TENM4: variants seen among roughly 807,000 people sequenced by gnomAD.
The protein encoded by TENM4 is teneurin transmembrane protein 4, also known as teneurin-4.
A neutral mutation model predicts 243.3 loss-of-function variants in TENM4; 82 were observed. The ratio of observed to expected loss-of-function variants is 0.34; its 90% confidence interval spans 0.28 to 0.40. The LOEUF (loss-of-function observed/expected upper bound fraction) is 0.40, where lower values mean the gene tolerates loss of function less well. Among genes scored for constraint, TENM4 ranks in the 10% least tolerant of loss-of-function variants. The pLI is 1.00. For missense variants in TENM4, 3,138 were observed against 3,673.3 expected (o/e 0.85, Z 3.77); for synonymous variants, 1,412 against 1,456.3 (o/e 0.97, Z 0.69).
At chr11:79,372,459 A>C (rs899031533) in intron 1 of TENM4, among the ~76,000 whole-genome samples, 3 of 152,228 alleles carry the variant, frequency 2.0e-5, no homozygotes, top group African/African-American at 7.2e-5. Flanking sequence ...TCTACAGAAA[A>C]TCAGCAAGGA....
At chr11:79,247,104 G>GACA (rs1243733731) in intron 2 of TENM4, among the ~76,000 whole-genome samples, 1 of 151,392 alleles carries the variant, frequency 6.6e-6, no homozygotes, top group Non-Finnish European at 1.5e-5. Context: ...GAACAGGACA[G>GACA]ATGGAATTCA....
intron 29 of TENM4, among the ~76,000 whole-genome samples, chr11:78,684,437 T>C (rs111854923): frequency 0.025 from 3,878 of 152,354 alleles, 154 homozygotes; most frequent in African/African-American, 0.089. Context: ...TAGCTGTCAC[T>C]GGTTTTATGT....
At chr11:78,812,444 G>A (rs1857520472) in intron 13 of TENM4, 128 bp from the exon 14 acceptor site, 3 of 1,063,458 alleles carry the variant, frequency 2.8e-6, no homozygotes, top group Non-Finnish European at 4.1e-6. Flanking sequence ...AAACACCCAT[G>A]TGTGCCCATC....
At chr11:79,139,052 ATATATATTATATTT>A (rs1374088248) in intron 4 of TENM4, among the ~76,000 whole-genome samples, 1,678 of 26,864 alleles carry the variant, frequency 0.062, 550 homozygotes, top group Middle Eastern at 0.19. Context: ...AATATATAAA[ATATATATTATATTT>A]CTATAAATAT....
intron 5 of TENM4, among the ~76,000 whole-genome samples, chr11:79,066,730 G>A (rs2512088): frequency 1.3e-4 from 20 of 150,606 alleles, no homozygotes; most frequent in Admixed American, 6.6e-4. Flanking sequence ...GAGCACACAC[G>A]CGCACGCACA....
In TENM4 at chr11:79,312,956, C is replaced by T. The variant is rs1167945768; in HGVS notation, c.-320-15413G>A. On this transcript the variant is annotated intron_variant, in intron 1 of 33. Transcript: ENST00000278550. The stretch of plus-strand genomic sequence containing the variant: ...ACGGGAAGGCTGTGTGCTTTGTTTC[C>T]ATCAGGATTCGCTGCCCACCTAATT... Among the ~76,000 whole-genome samples, 5 of 152,316 alleles carry T rather than the reference C, an allele frequency of 3.3e-5. No individual in the cohort carries two copies. In the East Asian group the frequency reaches 9.6e-4, roughly 29 times the overall value.
At chr11:79,282,964 T>C (rs1048876547) in intron 2 of TENM4, among the ~76,000 whole-genome samples, 22 of 152,174 alleles carry the variant, frequency 1.4e-4, no homozygotes, top group Admixed American at 1.1e-3. Flanking sequence ...CAGTGTTGTT[T>C]CTGGCATTTG....
chr11:79,211,419 C>T (rs1235026276), intron 3 of TENM4, among the ~76,000 whole-genome samples: 1 of 152,196 alleles, frequency 6.6e-6, no homozygotes, highest in Non-Finnish European at 1.5e-5. Context: ...AAAGTGTGCG[C>T]CAGGGATCCC....
intron 12 of TENM4, among the ~76,000 whole-genome samples, chr11:78,841,230 A>G (rs1394109570): frequency 1.3e-5 from 2 of 152,174 alleles, no homozygotes; most frequent in African/African-American, 2.4e-5. Flanking sequence ...TTTCTTGCCC[A>G]AAGTCCCACT....
intron 2 of TENM4, among the ~76,000 whole-genome samples, chr11:79,244,777 G>C (rs1855484194): frequency 6.6e-6 from 1 of 152,198 alleles, no homozygotes; most frequent in Non-Finnish European, 1.5e-5. Flanking sequence ...ACTAGCTGTA[G>C]AGGTGGGAGA....
chr11:79,037,852 A>G (rs1255185457), intron 6 of TENM4, among the ~76,000 whole-genome samples: 5 of 152,358 alleles, frequency 3.3e-5, no homozygotes, highest in Middle Eastern at 3.4e-3. Context: ...TTTGACCTGC[A>G]TGAGAATCAT....
rs575373428 is a variant in TENM4, at chr11:79,099,365, G to A, written c.-65-29356C>T. On this transcript the variant is annotated intron_variant, in intron 4 of 33. Coordinates refer to ENST00000278550, the MANE Select transcript of TENM4 (RefSeq NM_001098816.3). The stretch of plus-strand genomic sequence containing the variant: ...CATTGTTCATGTCCTTTTCCCTGTC[G>A]TTCTCATGGTGTGAATTTAAGGTCC... Among the ~76,000 whole-genome samples the A allele has an allele frequency of 3.9e-5, 6 of 152,102 alleles. No homozygotes were observed. The East Asian group carries it at 9.7e-4, about 25-fold the overall frequency.
intron 12 of TENM4, among the ~76,000 whole-genome samples, chr11:78,843,185 A>T (rs1447566731): frequency 6.6e-6 from 1 of 152,074 alleles, no homozygotes; most frequent in Non-Finnish European, 1.5e-5. Flanking sequence ...GGCTGAGGCA[A>T]GAGAATTGCT....
intron 12 of TENM4, among the ~76,000 whole-genome samples, chr11:78,840,042 C>T (rs574577535): frequency 3.0e-4 from 45 of 152,156 alleles, no homozygotes; most frequent in Non-Finnish European, 5.9e-4. Context: ...AATAAGTTAA[C>T]GTAAATAAAT....
chr11:79,066,623 CACACACATGA>C, intron 5 of TENM4, among the ~76,000 whole-genome samples: 1 of 151,840 alleles, frequency 6.6e-6, no homozygotes, highest in South Asian at 2.1e-4. Context: ...CACACGTGCG[CACACACATGA>C]ACACACAAGT....
intron 3 of TENM4, among the ~76,000 whole-genome samples, chr11:79,165,370 G>A (rs1862889673): frequency 1.3e-5 from 2 of 152,140 alleles, no homozygotes; most frequent in South Asian, 4.1e-4. Flanking sequence ...TTGTGGTTTT[G>A]ATTTGCATTT....
At chr11:78,905,807 G>C (rs1015278368) in intron 6 of TENM4, among the ~76,000 whole-genome samples, 2 of 152,244 alleles carry the variant, frequency 1.3e-5, no homozygotes, top group Non-Finnish European at 2.9e-5. Context: ...AGGCAGAGTG[G>C]TGTCCCACTC....
intron 27 of TENM4, among the ~76,000 whole-genome samples, chr11:78,702,929 T>C (rs898953841): frequency 3.9e-5 from 6 of 152,096 alleles, no homozygotes; most frequent in African/African-American, 1.2e-4. Flanking sequence ...ACATGGTTGA[T>C]ATGATACATG....
chr11:78,947,195 G>C (rs941209984), intron 6 of TENM4, among the ~76,000 whole-genome samples: 1 of 152,180 alleles, frequency 6.6e-6, no homozygotes, highest in Non-Finnish European at 1.5e-5. Context: ...CTGGTCTCAC[G>C]TACACAGTGA....
Sources: allele counts gnomAD v4.1 joint callset (sites outside exome capture counted in the v4.1 genomes callset), GRCh38; gene constraint gnomAD v4.1.1; transcripts MANE v1.5; gene names NCBI Gene and HGNC (gene_info 2026-07-23, HGNC 2026-07-21).